Variants in RFX3 observed in about 807,000 individuals in gnomAD.
RFX3 encodes regulatory factor X3, also known as transcription factor RFX3.
In RFX3, 14 loss-of-function variants were observed where a neutral mutation model predicts 98.6. The observed-to-expected ratio is 0.14, with a 90% confidence interval of 0.09 to 0.22. RFX3 has a LOEUF of 0.22. Ranked by LOEUF, RFX3 falls within the 10% of genes least tolerant of loss-of-function variation. RFX3 has a pLI of 1.00. For synonymous variants in RFX3, 383 were observed against 328.4 expected (o/e 1.17, Z -1.80); for missense variants, 639 against 926.9 (o/e 0.69, Z 4.03).
At chr9:3,413,609 A>C (rs1194220174) in intron 1 of RFX3, among the ~76,000 whole-genome samples, 1 of 152,032 alleles carries the variant, frequency 6.6e-6, no homozygotes. Context: ...GTTTCTTTAA[A>C]GAATTCATCC....
chr9:3,408,375 G>C (rs1842151718), intron 1 of RFX3, among the ~76,000 whole-genome samples: 1 of 152,008 alleles, frequency 6.6e-6, no homozygotes, highest in Non-Finnish European at 1.5e-5. Context: ...CTTGAGCACA[G>C]GGCCATCCTT....
At chr9:3,237,181 C>T (rs1414492181) in intron 15 of RFX3, among the ~76,000 whole-genome samples, 1 of 152,204 alleles carries the variant, frequency 6.6e-6, no homozygotes, top group Non-Finnish European at 1.5e-5. Context: ...TGCTTCTTCT[C>T]TAATGTTCCC....
At chr9:3,386,873 G>A (rs576864252) in intron 2 of RFX3, among the ~76,000 whole-genome samples, 2 of 152,098 alleles carry the variant, frequency 1.3e-5, no homozygotes, top group African/African-American at 4.8e-5. Flanking sequence ...TAAGTCAACT[G>A]AGTAGGAAGA....
intron 1 of RFX3, among the ~76,000 whole-genome samples, chr9:3,485,253 C>T (rs768346084): frequency 1.3e-5 from 2 of 152,208 alleles, no homozygotes; most frequent in Non-Finnish European, 2.9e-5. Flanking sequence ...CTAACCCAAT[C>T]TACTGAAGAA....
intron 1 of RFX3, among the ~76,000 whole-genome samples, chr9:3,456,241 C>A (rs901839079): frequency 6.6e-6 from 1 of 152,196 alleles, no homozygotes; most frequent in African/African-American, 2.4e-5. Context: ...AACCATGGCA[C>A]TGTGGGACAT....
At chr9:3,416,298 T>C (rs1003498681) in intron 1 of RFX3, among the ~76,000 whole-genome samples, 1 of 152,210 alleles carries the variant, frequency 6.6e-6, no homozygotes. Context: ...AACATTATAC[T>C]GGTTAAATAA....
intron 15 of RFX3, among the ~76,000 whole-genome samples, chr9:3,229,366 A>T (rs1351135391): frequency 6.6e-6 from 1 of 152,210 alleles, no homozygotes; most frequent in Non-Finnish European, 1.5e-5. Flanking sequence ...TTATTAGTAA[A>T]AAAGGAAAAT....
chr9:3,509,827 G>A (rs1175437456), intron 1 of RFX3, among the ~76,000 whole-genome samples: 3 of 151,834 alleles, frequency 2.0e-5, no homozygotes, highest in Non-Finnish European at 4.4e-5. Flanking sequence ...TTAGCCCTAA[G>A]AACATTTGCG....
At chr9:3,279,841 A>T (rs545811709) in intron 7 of RFX3, among the ~76,000 whole-genome samples, 3 of 151,960 alleles carry the variant, frequency 2.0e-5, no homozygotes, top group African/African-American at 7.2e-5. Flanking sequence ...TTAACATATG[A>T]TTATACTTAA....
At chr9:3,509,137 T>C (rs536950771) in intron 1 of RFX3, among the ~76,000 whole-genome samples, 1 of 152,034 alleles carries the variant, frequency 6.6e-6, no homozygotes, top group South Asian at 2.1e-4. Flanking sequence ...TAGTTGCCAG[T>C]ATTGCGTCTG....
intron 4 of RFX3, among the ~76,000 whole-genome samples, chr9:3,325,706 G>A (rs933662411): frequency 2.0e-5 from 3 of 151,770 alleles, no homozygotes; most frequent in Admixed American, 2.0e-4. Context: ...TGCATACTCT[G>A]GTATAAGATA....
intron 3 of RFX3, chr9:3,344,856 A>C (rs746117014): frequency 4.2e-6 from 3 of 715,966 alleles, no homozygotes; most frequent in Non-Finnish European, 7.8e-6. Context: ...AAGATTCCAA[A>C]ATCATGCTCC....
intron 4 of RFX3, among the ~76,000 whole-genome samples, chr9:3,306,606 G>T (rs71506633): frequency 0.043 from 5,698 of 131,594 alleles, 138 homozygotes; most frequent in Non-Finnish European, 0.066. Context: ...GTTGTGGGGT[G>T]GGGGGAGGGG....
rs1316582669 is a variant in RFX3, at chr9:3,464,652, T to C, written c.-9+61095A>G. 3.9e-5 allele frequency among the ~76,000 whole-genome samples: 6 copies of C among 152,098 alleles called. No homozygotes were observed. In the South Asian group the frequency reaches 1.2e-3, roughly 32 times the overall value. On this transcript the variant is annotated intron_variant, in intron 1 of 16. Transcript: ENST00000617270. ...CTACAAAAGGGCAGGAACAAACTTGTGGGGGTGATGGAAATGATCCATATT... is the reference window on the plus strand; with the variant it reads ...CTACAAAAGGGCAGGAACAAACTTGCGGGGGTGATGGAAATGATCCATATT...
chr9:3,424,624 T>C (rs966768573), intron 1 of RFX3, among the ~76,000 whole-genome samples: 4 of 151,650 alleles, frequency 2.6e-5, no homozygotes, highest in Non-Finnish European at 1.5e-5. Flanking sequence ...CCTCCCAAAG[T>C]GCTGGGATTA....
In RFX3 at chr9:3,300,283, A is replaced by G. The variant is rs1409530513; in HGVS notation, c.549+1263T>C. Among the ~76,000 whole-genome samples the G allele has an allele frequency of 4.6e-5, 7 of 151,924 alleles. No homozygotes were observed. In the East Asian group the frequency reaches 1.2e-3, roughly 25 times the overall value. On this transcript the variant is annotated intron_variant, in intron 5 of 16. Coordinates refer to ENST00000617270, the MANE Select transcript of RFX3 (RefSeq NM_001282116.2). ...CTTTCAAAAGGAAGGGCCAGAATAT[A>G]TACTATCATGTTTAAGTTTGTATGT...
chr9:3,520,846 C>A (rs551781723), intron 1 of RFX3, among the ~76,000 whole-genome samples: 1 of 152,092 alleles, frequency 6.6e-6, no homozygotes, highest in Non-Finnish European at 1.5e-5. Context: ...GGCTAATTTT[C>A]TTTTACTTTT....
intron 1 of RFX3, among the ~76,000 whole-genome samples, chr9:3,462,262 G>T (rs536492894): frequency 1.3e-5 from 2 of 151,914 alleles, no homozygotes; most frequent in Admixed American, 6.6e-5. Context: ...AGAATTCAAG[G>T]TTGCTTTATC....
At chr9:3,477,828 CTG>C (rs1849403921) in intron 1 of RFX3, among the ~76,000 whole-genome samples, 1 of 152,066 alleles carries the variant, frequency 6.6e-6, no homozygotes, top group Non-Finnish European at 1.5e-5. Flanking sequence ...TTTTGAGACT[CTG>C]TTCATTTTTC....
Sources: gnomAD v4.1 joint callset for allele counts (sites outside exome capture counted in the v4.1 genomes callset) on GRCh38, gnomAD v4.1.1 for gene constraint, MANE v1.5 for transcripts, NCBI Gene and HGNC (gene_info 2026-07-23, HGNC 2026-07-21) for gene names.